The following SMUG1 variants were observed in gnomAD, a reference collection of about 807,000 sequenced individuals.
SMUG1 encodes single-strand selective monofunctional uracil DNA glycosylase.
SMUG1 carries 13 observed loss-of-function variants against 23.9 expected under a neutral mutation model. The observed-to-expected ratio is 0.54, with a 90% CI of 0.35 to 0.86. The LOEUF (loss-of-function observed/expected upper bound fraction) is 0.86, where lower values mean the gene tolerates loss of function less well. SMUG1 is among the 40% of genes least tolerant of loss of function. SMUG1 has a pLI of 0.01. For synonymous variants in SMUG1, 133 were observed against 139.8 expected, an observed-to-expected ratio of 0.95 and a Z score of 0.34; for missense variants, 313 against 339.5, an observed-to-expected ratio of 0.92 and a Z score of 0.61.
intron 3 of SMUG1, among the ~76,000 whole-genome samples, chr12:54,167,142 G>T (rs1940496249): frequency 6.6e-6 from 1 of 152,136 alleles, no homozygotes; most frequent in Non-Finnish European, 1.5e-5. Flanking sequence ...CTAGGCAGCT[G>T]GGTCCCAGTG....
intron 3 of SMUG1, 176 bp downstream of exon 3, chr12:54,183,480 G>A (rs975747015): frequency 3.1e-6 from 2 of 639,210 alleles, no homozygotes; most frequent in South Asian, 1.9e-5. Flanking sequence ...ATTACGGGCA[G>A]AGACGCTGGG....
At chr12:54,183,524 G>A in intron 3 of SMUG1, 132 bp downstream of exon 3, 1 of 901,780 alleles carries the variant, frequency 1.1e-6, no homozygotes, top group Non-Finnish European at 1.8e-6. Context: ...CAGTATATGT[G>A]TTGAGACAGA....
At chr12:54,170,781 A>T (rs1940595986) in intron 3 of SMUG1, among the ~76,000 whole-genome samples, 1 of 152,018 alleles carries the variant, frequency 6.6e-6, no homozygotes, top group Admixed American at 6.5e-5. Context: ...TTTTTTGTAG[A>T]GACAGAGGTC....
In SMUG1 at chr12:54,182,467, G is replaced by A; in HGVS notation, c.442C>T (p.Leu148Phe). Residue 148 changes from leucine to phenylalanine, a missense_variant, in exon 4 of 4, where the codon CTC (leucine) becomes TTC (phenylalanine). Transcript: ENST00000682136. Reference sequence around the variant, plus strand: ...AAGAAGACCTCAGGCTGTCCACAGAGGTTCCGGAAAAAGCCCCAGAATCGG... The same window carrying A: ...AAGAAGACCTCAGGCTGTCCACAGAAGTTCCGGAAAAAGCCCCAGAATCGG... ...GARFWGFFRN[L>F]CGQPEVFFHH... The A allele has an allele frequency of 6.2e-7, 1 of 1,613,904 alleles. No individual in the cohort carries two copies. Among genetic ancestry groups the A allele is most frequent in the Non-Finnish European group, 8.5e-7 (1 of 1,179,976 alleles).
At chr12:54,174,262 A>C (rs556055748) in intron 2 of SMUG1, among the ~76,000 whole-genome samples, 2 of 152,242 alleles carry the variant, frequency 1.3e-5, no homozygotes, top group East Asian at 1.9e-4. Flanking sequence ...TTGAAGGCAA[A>C]CCCCTTCCTT....
downstream of SMUG1, chr12:54,164,715 A>T (rs962267707): frequency 2.6e-5 from 4 of 152,248 alleles, no homozygotes; most frequent in Non-Finnish European, 5.9e-5. Context: ...GCAGAACAGA[A>T]CCCAGGGGTC....
downstream of SMUG1, among the ~76,000 whole-genome samples, chr12:54,177,452 T>G (rs1158827282): frequency 8.5e-5 from 13 of 152,218 alleles, 1 homozygote; most frequent in Admixed American, 8.5e-4. Flanking sequence ...TAGCCATGTG[T>G]GGCTATTGAG....
chr12:54,188,298 TAATAATAA>T, intron 1 of SMUG1, among the ~76,000 whole-genome samples: 1 of 60,982 alleles, frequency 1.6e-5, no homozygotes, highest in Non-Finnish European at 3.5e-5. Context: ...TAATAATAAA[TAATAATAA>T]TAATAATAAT....
intron 3 of SMUG1, 125 bp downstream of exon 3, chr12:54,183,531 C>T (rs754644182): frequency 2.1e-6 from 2 of 961,600 alleles, no homozygotes; most frequent in East Asian, 4.9e-5. Flanking sequence ...TGTGTTGAGA[C>T]AGAATGGGGC....
downstream of SMUG1, among the ~76,000 whole-genome samples, chr12:54,176,509 C>CCCACA (rs1555199092): frequency 1.0e-5 from 1 of 98,104 alleles, no homozygotes; most frequent in African/African-American, 4.0e-5. Flanking sequence ...AGATCCTGTC[C>CCCACA]CCCCCCAAAA....
chr12:54,166,223 T>C (rs993430370), intron 3 of SMUG1, among the ~76,000 whole-genome samples: 1 of 152,088 alleles, frequency 6.6e-6, no homozygotes, highest in African/African-American at 2.4e-5. Flanking sequence ...TATCTGGACG[T>C]GGTGGCGGGA....
intron 2 of SMUG1, among the ~76,000 whole-genome samples, chr12:54,184,882 G>A (rs989315612): frequency 6.6e-6 from 1 of 152,218 alleles, no homozygotes; most frequent in African/African-American, 2.4e-5. Flanking sequence ...ACATAAGGAA[G>A]GCCAGGCATG....
At chr12:54,159,835 C>T (rs147929231), downstream of SMUG1, among the ~76,000 whole-genome samples, 49 of 152,310 alleles carry the variant, frequency 3.2e-4, 2 homozygotes, top group East Asian at 9.3e-3. Flanking sequence ...CACTGCGCAT[C>T]GGAGCATCAG....
downstream of SMUG1, among the ~76,000 whole-genome samples, chr12:54,175,651 T>G (rs565571441): frequency 6.6e-6 from 1 of 152,340 alleles, no homozygotes; most frequent in Non-Finnish European, 1.5e-5. Flanking sequence ...CAGAGCGCTG[T>G]GTTTATAACT....
intron 2 of SMUG1, among the ~76,000 whole-genome samples, chr12:54,174,079 C>T (rs944577279): frequency 6.6e-6 from 1 of 152,184 alleles, no homozygotes; most frequent in African/African-American, 2.4e-5. Context: ...CCCCTTAAAA[C>T]GGTACTTGCA....
downstream of SMUG1, among the ~76,000 whole-genome samples, chr12:54,160,693 A>C (rs1384389658): frequency 2.0e-5 from 3 of 152,208 alleles, no homozygotes; most frequent in African/African-American, 7.2e-5. Flanking sequence ...CTGCCCCCCA[A>C]GGCCTCATTT....
In SMUG1 at chr12:54,188,954, G is replaced by A. The variant is rs540936878; in HGVS notation, c.-107C>T. On this transcript the variant is annotated 5_prime_UTR_variant, in exon 1 of 4. Transcript: ENST00000682136. ...TCCCAGCCCCCTACTTCCTCACCTG[G>A]TCCAGCTCCCCATCCCGTTTCCGGT... The A allele has an allele frequency of 6.6e-6, 1 of 152,180 alleles. No homozygotes were observed. The highest frequency in any genetic ancestry group is 1.9e-4 in the East Asian group (1 of 5,170). 9.4% of individuals were successfully genotyped at this position (152,180 alleles called of 1,614,324 possible).
intron 2 of SMUG1, 71 bp from the exon 3 acceptor site, chr12:54,184,030 G>A: frequency 1.5e-6 from 2 of 1,302,000 alleles, no homozygotes; most frequent in Non-Finnish European, 2.0e-6. Context: ...TGCTTGCCAG[G>A]GCCCCCACTA....
intron 2 of SMUG1, among the ~76,000 whole-genome samples, chr12:54,186,660 AAGCTTCCCAGGGT>A (rs946498501): frequency 6.6e-6 from 1 of 152,110 alleles, no homozygotes; most frequent in Non-Finnish European, 1.5e-5. Flanking sequence ...TATTTTAAAC[AAGCTTCCCAGGGT>A]GATTCTGATG....
Sources: allele counts gnomAD v4.1 joint callset (sites outside exome capture counted in the v4.1 genomes callset), GRCh38; gene constraint gnomAD v4.1.1; transcripts MANE v1.5; gene names NCBI Gene and HGNC (gene_info 2026-07-23, HGNC 2026-07-21).